KBTBD7: variants seen among roughly 807,000 people sequenced by gnomAD.
KBTBD7 encodes the protein kelch repeat and BTB domain containing 7.
In KBTBD7, 25 loss-of-function variants were observed where a neutral mutation model predicts 50.3. The ratio of observed to expected loss-of-function variants is 0.50; its 90% CI spans 0.36 to 0.69. The LOEUF is 0.69. KBTBD7 is among the 30% of genes least tolerant of loss of function. The probability of loss-of-function intolerance (pLI) is 0.00; values close to 1 mark genes in which losing one functional copy is unlikely to be tolerated. For missense variants in KBTBD7, 653 were observed against 869.5 expected (o/e 0.75, Z 3.13); for synonymous variants, 305 against 325.3 (o/e 0.94, Z 0.67).
In KBTBD7 at chr13:41,192,327, C is replaced by A. The variant is rs1276301198; in HGVS notation, c.1931G>T (p.Trp644Leu). The change falls in exon 1 of 1, where the codon TGG (tryptophan) becomes TTG (leucine). Residue 644 changes from tryptophan (W) to leucine (L), a missense_variant. Trp to Leu is a moderately conservative substitution (Grantham distance 61). Around this residue, in one of 3 missense-constraint regions of KBTBD7, gnomAD observed 526 missense variants for 717.1 expected, o/e 0.73. Transcript: ENST00000379483. Reference sequence around the variant, plus strand: ...CAGCTCACTGAATCCATCTAAGTCCCATTCAGTACTAGACTCACTCCGTGC... The same window carrying A: ...CAGCTCACTGAATCCATCTAAGTCCAATTCAGTACTAGACTCACTCCGTGC... ...DDARSESSTE[W>L]DLDGFSELDS... 2 of 1,614,028 alleles carry A rather than the reference C, an allele frequency of 1.2e-6. No homozygotes were observed. The highest frequency in any genetic ancestry group is 1.7e-5 in the Admixed American group (1 of 60,004).
At position 41,192,996 on chromosome 13, in the gene KBTBD7, C is replaced by T. The variant is rs750120879; in HGVS notation, c.1262G>A (p.Arg421His). The T allele has an allele frequency of 7.4e-6, 12 of 1,614,152 alleles. No homozygotes were observed. Among genetic ancestry groups the T allele is most frequent in the South Asian group, 3.3e-5 (3 of 91,080 alleles). Reference sequence around the variant, plus strand: ...ATCCATGCCCTCACGACACAGCAAGCGATCTGCAAGTTGCTGCCAACTATT... The same window carrying T: ...ATCCATGCCCTCACGACACAGCAAGTGATCTGCAAGTTGCTGCCAACTATT... ...AQNSWQQLAD[R>H]LLCREGMDVA... The change falls in exon 1 of 1, where the codon CGC becomes CAC. Residue 421 changes from arginine to histidine, a missense_variant. Arg to His is a conservative substitution (Grantham distance 29). Transcript: ENST00000379483.
At position 41,192,234 on chromosome 13, in the gene KBTBD7, C is replaced by T. The variant is rs887220184; in HGVS notation, c.2024G>A (p.Arg675Gln). The stretch of plus-strand genomic sequence containing the variant: ...AGAACCCTGCTGATCCTGTGCATTT[C>T]GCTGAGGTGCTACTTGCACCCAGAC... ...DEVWVQVAPQ[R>Q]NAQDQQGSL Residue 675 changes from arginine (R) to glutamine (Q), a missense_variant, in exon 1 of 1, where the codon CGA (arginine) becomes CAA (glutamine). By Grantham distance (43) the Arg-to-Gln change is conservative. Transcript: ENST00000379483. 23 of 1,613,664 alleles carry T rather than the reference C, an allele frequency of 1.4e-5. No homozygotes were observed. The highest frequency in any genetic ancestry group is 1.6e-4 in the Middle Eastern group (1 of 6,080).
rs1434448273 is a variant in KBTBD7 at position 41,190,103 on chromosome 13, T to C, written c.*2100A>G. ...TAATTCTGCAGATGGATAATCTGGTTGAGATAAGCATTGCCATCTCTCAAT... is the reference window on the plus strand; with the variant it reads ...TAATTCTGCAGATGGATAATCTGGTCGAGATAAGCATTGCCATCTCTCAAT... On this transcript the variant is annotated 3_prime_UTR_variant, in exon 1 of 1. Coordinates refer to ENST00000379483, the MANE Select transcript of KBTBD7 (RefSeq NM_032138.7). The C allele has an allele frequency of 6.6e-6, 1 of 152,208 alleles. No individual in the cohort carries two copies. Among genetic ancestry groups the C allele is most frequent in the African/African-American group, 2.4e-5 (1 of 41,452 alleles). 9.4% of individuals were successfully genotyped at this position (152,208 alleles called of 1,614,324 possible).
chr13:41,194,247 C>T lies in KBTBD7; in HGVS notation c.11G>A (p.Arg4Gln). MQS[R>Q]EDVPRSRRLA... The stretch of plus-strand genomic sequence containing the variant: ...GCGGCGAGAGCGCGGGACGTCTTCC[C>T]GGGACTGCATGGTGGAGATGGCGAC... The change falls in exon 1 of 1, where the codon CGG (arginine) becomes CAG (glutamine). Residue 4 changes from arginine to glutamine, a missense_variant. Transcript: ENST00000379483. The T allele has an allele frequency of 1.2e-6, 2 of 1,613,818 alleles. No homozygotes were observed. The highest frequency in any genetic ancestry group is 2.2e-5 in the East Asian group (1 of 44,874).
At position 41,194,180 on chromosome 13, in the gene KBTBD7, G is replaced by A. The variant is rs776656974; in HGVS notation, c.78C>T (p.Ser26=). 2 of 1,614,114 alleles carry A rather than the reference G, an allele frequency of 1.2e-6. No individual in the cohort carries two copies. The highest frequency in any genetic ancestry group is 1.1e-5 in the South Asian group (1 of 91,092). ...PRGGRRPKRI[S]KPSVSAFFTG... ...TGAAAAAGGCCGAAACCGAGGGCTT[G>A]GAAATCCTCTTGGGCCGCCTCCCAC... The change falls in exon 1 of 1, where the codon TCC becomes TCT. Residue 26 remains serine (S), a synonymous_variant. Coordinates refer to ENST00000379483, the MANE Select transcript of KBTBD7 (RefSeq NM_032138.7).
In KBTBD7 at chr13:41,194,364, A is replaced by G. The variant is rs2031479987; in HGVS notation, c.-107T>C. 1.4e-6 allele frequency: 2 copies of G among 1,433,678 alleles called. No homozygotes were observed. The highest frequency in any genetic ancestry group is 1.9e-6 in the Non-Finnish European group (2 of 1,066,642). The allele number at this position is 1,433,678 out of a possible 1,614,324, so 88.8% of individuals were successfully genotyped here. A position where few individuals can be genotyped will look rare whatever the true frequency, so the allele number is the denominator to read the frequency against. On this transcript the variant is annotated 5_prime_UTR_variant, in exon 1 of 1. Transcript: ENST00000379483. Reference sequence around the variant, plus strand: ...GCTAAGACAAGCCGCGTCCTGGAACAGACTGCGGCACGGGCCGCACTTCTG... The same window carrying G: ...GCTAAGACAAGCCGCGTCCTGGAACGGACTGCGGCACGGGCCGCACTTCTG...
Position 41,194,435 on chromosome 13 carries a change from A to T in KBTBD7, c.-178T>A. The T allele has an allele frequency of 1.3e-6, 1 of 780,004 alleles. No individual in the cohort carries two copies. Among genetic ancestry groups the T allele is most frequent in the Non-Finnish European group, 2.0e-6 (1 of 490,124 alleles). 48.3% of individuals were successfully genotyped at this position (780,004 alleles called of 1,614,324 possible). On this transcript the variant is annotated 5_prime_UTR_variant, in exon 1 of 1. Transcript: ENST00000379483. ...TGAGGCCTCCCTTTATTGCATAGAC[A>T]GTGGCTGACTCACCCTCTCTCACTC...
Position 41,194,547 on chromosome 13 carries a change from G to C in KBTBD7, c.-290C>G, listed in dbSNP as rs561134591. On this transcript the variant is annotated 5_prime_UTR_variant, in exon 1 of 1. Transcript: ENST00000379483. ...CCCCCACTGCCGCGCTGGCGATCCC[G>C]CTAGGCGCCCGGGAGAACTACTGCT... 5.8e-5 allele frequency: 30 copies of C among 513,696 alleles called. No individual in the cohort carries two copies. Among genetic ancestry groups the C allele is most frequent in the Middle Eastern group, 5.4e-4 (1 of 1,840 alleles). The allele number at this position is 513,696 out of a possible 1,614,324, so 31.8% of individuals were successfully genotyped here.
At position 41,192,166 on chromosome 13, in the gene KBTBD7, G is replaced by A. The variant is rs1201471954; in HGVS notation, c.*37C>T. ...ACGATATGTGTTTAAAATACATTCC[G>A]TAGCAGTAGAAACATCTTAGTGTCT... is the stretch of plus-strand genomic sequence containing the variant. On this transcript the variant is annotated 3_prime_UTR_variant, in exon 1 of 1. Coordinates refer to ENST00000379483, the MANE Select transcript of KBTBD7 (RefSeq NM_032138.7). 8 of 1,551,328 alleles carry A rather than the reference G, an allele frequency of 5.2e-6. No homozygotes were observed. Among genetic ancestry groups the A allele is most frequent in the Admixed American group, 2.0e-5 (1 of 50,344 alleles).
chr13:41,191,221 C>G lies in KBTBD7; in HGVS notation c.*982G>C, dbSNP rs1449321381. 3 of 152,036 alleles carry G rather than the reference C, an allele frequency of 2.0e-5. No individual in the cohort carries two copies. The highest frequency in any genetic ancestry group is 2.9e-5 in the Non-Finnish European group (2 of 67,976). 9.4% of individuals were successfully genotyped at this position (152,036 alleles called of 1,614,324 possible). A position where few individuals can be genotyped will look rare whatever the true frequency, so the allele number is the denominator to read the frequency against. ...AGAATCCTCTAGGACAAACACCAAA[C>G]CTACACAGCCAAAATATTTTAGGGA... On this transcript the variant is annotated 3_prime_UTR_variant, in exon 1 of 1. Coordinates refer to ENST00000379483, the MANE Select transcript of KBTBD7 (RefSeq NM_032138.7).
Position 41,194,418 on chromosome 13 carries a change from C to T in KBTBD7, c.-161G>A, listed in dbSNP as rs1566036005. On this transcript the variant is annotated 5_prime_UTR_variant, in exon 1 of 1. Transcript: ENST00000379483. ...TCAGCCCTATCCCGCGGTGAGGCCTCCCTTTATTGCATAGACAGTGGCTGA... is the reference window on the plus strand; with the variant it reads ...TCAGCCCTATCCCGCGGTGAGGCCTTCCTTTATTGCATAGACAGTGGCTGA... 2.2e-6 allele frequency: 2 copies of T among 901,598 alleles called. No homozygotes were observed. The highest frequency in any genetic ancestry group is 3.4e-5 in the African/African-American group (2 of 59,054). 55.8% of individuals were successfully genotyped at this position (901,598 alleles called of 1,614,324 possible). A position where few individuals can be genotyped will look rare whatever the true frequency, so the allele number is the denominator to read the frequency against.
In KBTBD7 at chr13:41,193,455, A is replaced by C. The variant is rs142092033; in HGVS notation, c.803T>G (p.Met268Arg). 55 of 1,613,914 alleles carry C rather than the reference A, an allele frequency of 3.4e-5. No individual in the cohort carries two copies. The African/African-American group carries it at 6.9e-4, about 20-fold the overall frequency. ...GTCCTGATCTTCTTCAGTGAAGTGC[A>C]TCCAGCGCACGCACTTGAAGACTTC... is the stretch of plus-strand genomic sequence containing the variant. ...AAEVFKCVRW[M>R]HFTEEDQDYL... The change falls in exon 1 of 1, where the codon ATG (methionine) becomes AGG (arginine). Residue 268 changes from methionine to arginine, a missense_variant. Around this residue, in one of 3 missense-constraint regions of KBTBD7, gnomAD observed 526 missense variants for 717.1 expected, o/e 0.73. Coordinates refer to ENST00000379483, the MANE Select transcript of KBTBD7 (RefSeq NM_032138.7). This position sits in a 1 kb window ranked among gnomAD's most constrained non-coding sequence, Gnocchi z 5.7.
rs980921929 is a variant in KBTBD7, at chr13:41,191,654, A to G, written c.*549T>C. 1.4e-5 allele frequency: 2 copies of G among 147,356 alleles called. No individual in the cohort carries two copies. Among genetic ancestry groups the G allele is most frequent in the Admixed American group, 7.0e-5 (1 of 14,208 alleles). The allele number at this position is 147,356 out of a possible 1,614,324, so 9.1% of individuals were successfully genotyped here. ...CAGTAACCTTATATATATAAATCCAATTTTTTCCTTTGTAGAAGAAAACCA... is the reference window on the plus strand; with the variant it reads ...CAGTAACCTTATATATATAAATCCAGTTTTTTCCTTTGTAGAAGAAAACCA... On this transcript the variant is annotated 3_prime_UTR_variant, in exon 1 of 1. Transcript: ENST00000379483.
chr13:41,194,086 CGTA>C lies in KBTBD7; in HGVS notation c.169_171del (p.Tyr57del), dbSNP rs758668471. The C allele has an allele frequency of 5.6e-6, 9 of 1,614,090 alleles. No homozygotes were observed. ...GTCACATCACACAGCAGCCGCGCGT[CGTA>C]GAAGGACTTGAGCTGTGCCAGCAGG... On this transcript the variant is annotated inframe_deletion, in exon 1 of 1. Coordinates refer to ENST00000379483, the MANE Select transcript of KBTBD7 (RefSeq NM_032138.7).
In KBTBD7 at chr13:41,192,730, G is replaced by C. The variant is rs201439264; in HGVS notation, c.1528C>G (p.Leu510Val). 11 of 1,614,158 alleles carry C rather than the reference G, an allele frequency of 6.8e-6. No individual in the cohort carries two copies. The East Asian group carries it at 2.5e-4, about 36-fold the overall frequency. ...SHNMWLNCASLKRSDFQEACV... is the reference protein window; with the variant it reads ...SHNMWLNCASVKRSDFQEACV... ...GCTTCCTGAAAGTCACTACGTTTAA[G>C]AGAAGCACAGTTCAGCCACATATTG... The change falls in exon 1 of 1, where the codon CTT becomes GTT. Residue 510 changes from leucine (L) to valine (V), a missense_variant. Transcript: ENST00000379483.
Position 41,192,137 on chromosome 13 carries a change from AG to A in KBTBD7, c.*65del. The A allele has an allele frequency of 6.7e-7, 1 of 1,484,852 alleles. No individual in the cohort carries two copies. Among genetic ancestry groups the A allele is most frequent in the South Asian group, 1.4e-5 (1 of 73,330 alleles). 92.0% of individuals were successfully genotyped at this position (1,484,852 alleles called of 1,614,324 possible). On this transcript the variant is annotated 3_prime_UTR_variant, in exon 1 of 1. Coordinates refer to ENST00000379483, the MANE Select transcript of KBTBD7 (RefSeq NM_032138.7). ...CTAATCAACTTTTTTTCCAAGAAAA[AG>A]AAACGATATGTGTTTAAAATACATT...
In KBTBD7 at chr13:41,191,985, A is replaced by G; in HGVS notation, c.*218T>C. Reference sequence around the variant, plus strand: ...TACCAAGCATCCTAATCAATTATATAGTTCTTGCTTCCATATTTTAATTCT... The same window carrying G: ...TACCAAGCATCCTAATCAATTATATGGTTCTTGCTTCCATATTTTAATTCT... On this transcript the variant is annotated 3_prime_UTR_variant, in exon 1 of 1. Transcript: ENST00000379483. 3 of 474,490 alleles carry G rather than the reference A, an allele frequency of 6.3e-6. No individual in the cohort carries two copies. Among genetic ancestry groups the G allele is most frequent in the Non-Finnish European group, 1.1e-5 (3 of 269,592 alleles). The allele number at this position is 474,490 out of a possible 1,614,324, so 29.4% of individuals were successfully genotyped here.
In KBTBD7 at chr13:41,193,938, C is replaced by T. The variant is rs767857401; in HGVS notation, c.320G>A (p.Ser107Asn). 1.2e-6 allele frequency: 2 copies of T among 1,613,776 alleles called. No homozygotes were observed. Among genetic ancestry groups the T allele is most frequent in the Admixed American group, 1.7e-5 (1 of 59,946 alleles). The change falls in exon 1 of 1, where the codon AGC becomes AAC. Residue 107 changes from serine (S) to asparagine (N), a missense_variant. Transcript: ENST00000379483. This position sits in a 1 kb window ranked among gnomAD's most constrained non-coding sequence, Gnocchi z 5.7. Reference sequence around the variant, plus strand: ...GTGCATGGTCACGCTGGCCTGCTGGCTCTCGTACATGCCACCTGTGAACAT... The same window carrying T: ...GTGCATGGTCACGCTGGCCTGCTGGTTCTCGTACATGCCACCTGTGAACAT... ...KSMFTGGMYESQQASVTMHDV... is the reference protein window; with the variant it reads ...KSMFTGGMYENQQASVTMHDV...
chr13:41,193,174 AAGGGTCATAGC>A lies in KBTBD7; in HGVS notation c.1073_1083del (p.Cys358LeufsTer19). ...GGCATTGTGTAAATGTCCCCCGAGT[AAGGGTCATAGC>A]AGAGAAAGGGATCTCTAGGATGTCC... On this transcript the variant is annotated frameshift_variant, in exon 1 of 1. Coordinates refer to ENST00000379483, the MANE Select transcript of KBTBD7 (RefSeq NM_032138.7). LOFTEE classifies it high-confidence loss of function. This position sits in a 1 kb window ranked among gnomAD's most constrained non-coding sequence, Gnocchi z 5.7. The A allele has an allele frequency of 1.2e-6, 2 of 1,614,168 alleles. No individual in the cohort carries two copies. Among genetic ancestry groups the A allele is most frequent in the Non-Finnish European group, 1.7e-6 (2 of 1,180,022 alleles).
Sources: gnomAD v4.1 joint callset for allele counts on GRCh38, gnomAD v4.1.1 for gene constraint, gnomAD v4.1.1 regional missense constraint, Gnocchi (gnomAD v3.1) non-coding constraint, MANE v1.5 for transcripts, NCBI Gene and HGNC (gene_info 2026-07-23, HGNC 2026-07-21) for gene names.